Variants in WDR70 observed in about 807,000 individuals in gnomAD.
WDR70 encodes the protein WD repeat-containing protein 70.
WDR70 carries 53 observed loss-of-function variants against 88.6 expected under a neutral mutation model. The ratio of observed to expected loss-of-function variants is 0.60; its 90% CI spans 0.48 to 0.75. The LOEUF is 0.75. Ranked by LOEUF, WDR70 falls within the 30% of genes least tolerant of loss-of-function variation. The pLI, the probability that WDR70 is intolerant of heterozygous loss-of-function variation, is 0.00. For synonymous variants in WDR70, 280 were observed against 270.0 expected, an observed-to-expected ratio of 1.04 and a Z score of -0.36; for missense variants, 610 against 823.2, an observed-to-expected ratio of 0.74 and a Z score of 3.17.
At chr5:37,428,944 A>G (rs922220479) in intron 5 of WDR70, among the ~76,000 whole-genome samples, 1 of 152,194 alleles carries the variant, frequency 6.6e-6, no homozygotes, top group African/African-American at 2.4e-5. Flanking sequence ...TAGCTATTCC[A>G]GTAAGTGTGT....
rs556028198 is a variant in WDR70 at position 37,552,250 on chromosome 5, A to G, written c.917+35660A>G. Among the ~76,000 whole-genome samples, 5 of 152,298 alleles carry G rather than the reference A, an allele frequency of 3.3e-5. No individual in the cohort carries two copies. In the East Asian group the frequency reaches 9.6e-4, roughly 29 times the overall value. On this transcript the variant is annotated intron_variant, in intron 9 of 17. Coordinates refer to ENST00000265107, the MANE Select transcript of WDR70 (RefSeq NM_018034.4). ...TTTTTTGTTTCCTTCAACCAGATGCATTTTAAATACAAAAGGCCAAGTTTG... is the reference window on the plus strand; with the variant it reads ...TTTTTTGTTTCCTTCAACCAGATGCGTTTTAAATACAAAAGGCCAAGTTTG...
At chr5:37,623,267 G>C (rs1744565819) in intron 10 of WDR70, among the ~76,000 whole-genome samples, 1 of 151,990 alleles carries the variant, frequency 6.6e-6, no homozygotes, top group South Asian at 2.1e-4. Context: ...TACTATTAAA[G>C]GGGTTGTATA....
chr5:37,616,510 C>G (rs1744347944), intron 10 of WDR70, among the ~76,000 whole-genome samples: 1 of 152,134 alleles, frequency 6.6e-6, no homozygotes, highest in South Asian at 2.1e-4. Flanking sequence ...AACACTCCAC[C>G]CTATATGCCT....
At chr5:37,489,606 C>T (rs1212392202) in intron 8 of WDR70, among the ~76,000 whole-genome samples, 1 of 151,918 alleles carries the variant, frequency 6.6e-6, no homozygotes. Context: ...CATGCTTAGG[C>T]ACTGGCAGTA....
intron 5 of WDR70, among the ~76,000 whole-genome samples, chr5:37,436,156 G>T (rs988710558): frequency 5.9e-5 from 9 of 152,014 alleles, no homozygotes; most frequent in Non-Finnish European, 1.3e-4. Flanking sequence ...ATAAAAATTA[G>T]CCAGGTAAAG....
intron 9 of WDR70, among the ~76,000 whole-genome samples, chr5:37,604,447 C>T (rs1743973159): frequency 6.6e-6 from 1 of 152,288 alleles, no homozygotes; most frequent in South Asian, 2.1e-4. Context: ...GTTCTACCCT[C>T]CCTTACTGAC....
chr5:37,676,111 G>T (rs79145838), intron 10 of WDR70, among the ~76,000 whole-genome samples: 141,757 of 143,240 alleles, frequency 0.99, 70,171 homozygotes, highest in East Asian at 1. Flanking sequence ...CTGAAGTTGC[G>T]CATCAGCTTA....
At chr5:37,600,928 C>G (rs535402717) in intron 9 of WDR70, among the ~76,000 whole-genome samples, 86 of 152,174 alleles carry the variant, frequency 5.7e-4, no homozygotes, top group African/African-American at 2.0e-3. Flanking sequence ...TTTGTTTTTG[C>G]TTTTTTGTTT....
In WDR70 at chr5:37,604,187, A is replaced by C. The variant is rs1743967391; in HGVS notation, c.918-877A>C. Among the ~76,000 whole-genome samples, 2 of 152,228 alleles carry C rather than the reference A, an allele frequency of 1.3e-5. 1 individual carries two copies. The highest frequency in any genetic ancestry group is 4.1e-4 in the South Asian group (2 of 4,830). ...TGTCTTTTAATGCTTATTTTAGTAG[A>C]TGTCTGATGGTAGTGAATTACCTCA... On this transcript the variant is annotated intron_variant, in intron 9 of 17. Transcript: ENST00000265107.
At chr5:37,690,838 G>A (rs1163244551) in intron 10 of WDR70, among the ~76,000 whole-genome samples, 2 of 152,104 alleles carry the variant, frequency 1.3e-5, no homozygotes, top group African/African-American at 4.8e-5. Flanking sequence ...CATAATGACA[G>A]GATCAATAAT....
chr5:37,627,001 CTCTTTTTT>C (rs1021107589), intron 10 of WDR70, among the ~76,000 whole-genome samples: 5 of 151,870 alleles, frequency 3.3e-5, no homozygotes, highest in Non-Finnish European at 5.9e-5. Context: ...AAATTTGAGT[CTCTTTTTT>C]TCTTTTTTTC....
At chr5:37,649,839 G>A (rs1462962954) in intron 10 of WDR70, among the ~76,000 whole-genome samples, 3 of 134,490 alleles carry the variant, frequency 2.2e-5, no homozygotes, top group South Asian at 2.5e-4. Context: ...CCGGGTTCAC[G>A]CCATTCTCCT....
intron 8 of WDR70, among the ~76,000 whole-genome samples, chr5:37,489,098 G>T (rs1244905569): frequency 6.6e-6 from 1 of 152,218 alleles, no homozygotes; most frequent in Admixed American, 6.5e-5. Flanking sequence ...AGAGGCTTAG[G>T]TGAATTTGTT....
chr5:37,383,052 G>T (rs1031361033), intron 3 of WDR70, among the ~76,000 whole-genome samples: 11 of 151,440 alleles, frequency 7.3e-5, no homozygotes, highest in African/African-American at 2.7e-4. Context: ...TGGGCGACAA[G>T]AGCAAAACTC....
At chr5:37,590,705 A>G (rs1437478555) in intron 9 of WDR70, among the ~76,000 whole-genome samples, 4 of 152,170 alleles carry the variant, frequency 2.6e-5, no homozygotes, top group Non-Finnish European at 5.9e-5. Context: ...CAAGGAGGCC[A>G]AGGAATGGTG....
rs1330520434 is a variant in WDR70, at chr5:37,392,176, AG to A, written c.296+57del. 523 of 1,361,132 alleles carry A rather than the reference AG, an allele frequency of 3.8e-4. 2 individuals carry two copies. The African/African-American group carries it at 8.5e-3, about 22-fold the overall frequency. 84.3% of individuals were successfully genotyped at this position (1,361,132 alleles called of 1,614,324 possible). On this transcript the variant is annotated intron_variant, in intron 4 of 17. Transcript: ENST00000265107. ...ACTATCAGTTTCTAGGTGTTTATAG[AG>A]TTTTTTTTTTTTTTTTTAATTTTTT...
chr5:37,723,798 G>C (rs770100895), intron 15 of WDR70: 1 of 152,080 alleles, frequency 6.6e-6, no homozygotes, highest in African/African-American at 2.4e-5. Context: ...AATTACATGC[G>C]GCCTACTTAA....
chr5:37,613,891 C>A (rs79253624), intron 10 of WDR70, among the ~76,000 whole-genome samples: 2,257 of 152,258 alleles, frequency 0.015, 30 homozygotes, highest in Middle Eastern at 0.031. Context: ...GAGGTTCAAT[C>A]CCAGGCAGTC....
intron 6 of WDR70, among the ~76,000 whole-genome samples, chr5:37,438,691 CAATA>C (rs1750557946): frequency 6.6e-6 from 1 of 151,950 alleles, no homozygotes. Context: ...AAATATCAAT[CAATA>C]GAGGTAGACC....
Sources: allele counts gnomAD v4.1 joint callset (sites outside exome capture counted in the v4.1 genomes callset), GRCh38; gene constraint gnomAD v4.1.1; transcripts MANE v1.5; gene names NCBI Gene and HGNC (gene_info 2026-07-23, HGNC 2026-07-21).